ME3: variants seen among roughly 807,000 people sequenced by gnomAD.
The protein encoded by ME3 is malic enzyme 3.
Under a neutral mutation model 68.9 loss-of-function variants are expected in ME3, and 48 were observed. The observed-to-expected ratio is 0.70, with a 90% confidence interval of 0.55 to 0.89. The LOEUF (loss-of-function observed/expected upper bound fraction) is 0.89. Among genes scored for constraint, ME3 ranks in the 40% least tolerant of loss-of-function variants. ME3 has a pLI of 0.00. For synonymous variants in ME3, 320 were observed against 318.8 expected, an observed-to-expected ratio of 1.00 and a Z score of -0.04; for missense variants, 675 against 797.4, an observed-to-expected ratio of 0.85 and a Z score of 1.85.
chr11:86,626,788 CCA>C (rs1183402018), intron 2 of ME3, among the ~76,000 whole-genome samples: 3 of 152,186 alleles, frequency 2.0e-5, no homozygotes, highest in Non-Finnish European at 2.9e-5. Context: ...GGCACATGGG[CCA>C]CAGTTTGCCA....
At chr11:86,441,544 G>T (rs1702131559) in intron 14 of ME3, 104 bp from the exon 15 acceptor site, 2 of 1,154,082 alleles carry the variant, frequency 1.7e-6, no homozygotes, top group Admixed American at 2.6e-5. Flanking sequence ...TAAGGAACCA[G>T]ACTTGTTTCT....
chr11:86,626,178 C>CA (rs1422482316), intron 2 of ME3, among the ~76,000 whole-genome samples: 17 of 152,152 alleles, frequency 1.1e-4, no homozygotes, highest in Admixed American at 3.3e-4. Context: ...AATGTTGGGG[C>CA]TGGAACCCTG....
chr11:86,657,280 A>C (rs1022801599), intron 2 of ME3, among the ~76,000 whole-genome samples: 3 of 152,190 alleles, frequency 2.0e-5, no homozygotes, highest in Non-Finnish European at 2.9e-5. Flanking sequence ...ATGGAATACT[A>C]TGCAGCCATA....
chr11:86,556,817 G>A (rs997839433), intron 3 of ME3, 115 bp from the exon 4 acceptor site: 1 of 1,171,392 alleles, frequency 8.5e-7, no homozygotes, highest in Non-Finnish European at 1.2e-6. Flanking sequence ...GAACATTCAT[G>A]GGCAAGCCAT....
rs569525579 is a variant in ME3 at position 86,619,285 on chromosome 11, A to C, written c.183+52477T>G. 2.3e-3 allele frequency among the ~76,000 whole-genome samples: 345 copies of C among 152,348 alleles called. 4 individuals are homozygous for C. The highest frequency in any genetic ancestry group is 7.9e-3 in the African/African-American group (328 of 41,584). ...ATAAAGTTTCTAAAGTTAAATATGC[A>C]ATCTTGTTGGTGAAAAATACTATTA... On this transcript the variant is annotated intron_variant, in intron 2 of 14. Transcript: ENST00000543262.
At chr11:86,560,744 G>GTATATATATATATATATA (rs58764893) in intron 2 of ME3, among the ~76,000 whole-genome samples, 26 of 66,892 alleles carry the variant, frequency 3.9e-4, no homozygotes, top group African/African-American at 1.6e-3. Flanking sequence ...GTGTGTGTGT[G>GTATATATATATATATATA]TGTGTATATA....
At chr11:86,643,307 A>G (rs373109621) in intron 2 of ME3, among the ~76,000 whole-genome samples, 621 of 26,900 alleles carry the variant, frequency 0.023, 5 homozygotes, top group African/African-American at 0.066. Flanking sequence ...ACAGCAGCCC[A>G]TGCCCCCTAC....
At chr11:86,656,783 C>A (rs1398188903) in intron 2 of ME3, among the ~76,000 whole-genome samples, 1 of 151,294 alleles carries the variant, frequency 6.6e-6, no homozygotes, top group Non-Finnish European at 1.5e-5. Flanking sequence ...AGCAAATAAC[C>A]CCATCAAAAA....
chr11:86,591,629 C>T (rs1007904765), intron 2 of ME3, among the ~76,000 whole-genome samples: 89 of 152,136 alleles, frequency 5.9e-4, no homozygotes, highest in African/African-American at 1.9e-3. Context: ...CAAGACTGGG[C>T]AATTTACAAA....
At chr11:86,447,101 G>T in exon 12 of ME3, 1 of 1,614,184 alleles carries the variant, frequency 6.2e-7, no homozygotes, top group East Asian at 2.2e-5. Context: ...CCGTGCACTC[G>T]GCCTTGCTGG....
In ME3 at chr11:86,570,503, C is replaced by T. The variant is rs566439306; in HGVS notation, c.184-10680G>A. 4.0e-4 allele frequency among the ~76,000 whole-genome samples: 61 copies of T among 152,260 alleles called. No individual in the cohort carries two copies. In the South Asian group the frequency reaches 4.4e-3, roughly 11 times the overall value. On this transcript the variant is annotated intron_variant, in intron 2 of 14. Transcript: ENST00000543262. Reference sequence around the variant, plus strand: ...CCCCAGCTTTATGAGAGCCCCTGAGCACACTCCTGAGATGGATATATGGGG... The same window carrying T: ...CCCCAGCTTTATGAGAGCCCCTGAGTACACTCCTGAGATGGATATATGGGG...
intron 2 of ME3, among the ~76,000 whole-genome samples, chr11:86,644,202 C>T (rs928315191): frequency 2.6e-5 from 4 of 152,040 alleles, no homozygotes; most frequent in East Asian, 1.9e-4. Flanking sequence ...CTAATCTGAC[C>T]GCTCCTGCCT....
intron 2 of ME3, among the ~76,000 whole-genome samples, chr11:86,606,377 C>A (rs1565205447): frequency 6.9e-6 from 1 of 145,390 alleles, no homozygotes; most frequent in African/African-American, 2.5e-5. Flanking sequence ...TCAGGGTAGT[C>A]TGTTGTGGAC....
chr11:86,596,162 A>ATG lies in ME3; in HGVS notation c.184-36340_184-36339insCA, dbSNP rs544017332. ...CGTATTTCAAAACCTATGAAATTAC[A>ATG]TATTTGAAGGGATTATTCATTTTTT... On this transcript the variant is annotated intron_variant, in intron 2 of 14. Coordinates refer to ENST00000543262, the Ensembl canonical transcript of ME3. 8.5e-5 allele frequency among the ~76,000 whole-genome samples: 13 copies of ATG among 152,352 alleles called. 1 individual carries two copies. In the East Asian group the frequency reaches 2.1e-3, roughly 25 times the overall value.
At chr11:86,521,401 AAACAAACAAAACAAAACAAAAC>A (rs1389919497) in intron 4 of ME3, among the ~76,000 whole-genome samples, 16 of 100,050 alleles carry the variant, frequency 1.6e-4, no homozygotes, top group African/African-American at 7.8e-4. Flanking sequence ...TCTCAAAAAC[AAACAAACAAAACAAAACAAAAC>A]AAAACAAAAA....
intron 2 of ME3, among the ~76,000 whole-genome samples, chr11:86,566,858 G>A (rs970972115): frequency 3.3e-5 from 5 of 152,146 alleles, no homozygotes; most frequent in Admixed American, 2.0e-4. Flanking sequence ...CTCCCAGGAC[G>A]TTGGTGAGAC....
intron 2 of ME3, among the ~76,000 whole-genome samples, chr11:86,564,548 T>C (rs1272514716): frequency 6.6e-6 from 1 of 151,378 alleles, no homozygotes; most frequent in Non-Finnish European, 1.5e-5. Flanking sequence ...AATAAACTCA[T>C]ACATCTATGG....
In ME3 at chr11:86,535,016, G is replaced by A. The variant is rs561312583; in HGVS notation, c.467+21537C>T. On this transcript the variant is annotated intron_variant, in intron 4 of 14. Coordinates refer to ENST00000543262, the Ensembl canonical transcript of ME3. ...TTTCATAAGTGAATTCTTAACGAAG[G>A]TTTAAAACCACTGGCCTAGGTAGAG... Among the ~76,000 whole-genome samples, 4 of 152,226 alleles carry A rather than the reference G, an allele frequency of 2.6e-5. No individual in the cohort carries two copies. The East Asian group carries it at 5.8e-4, about 22-fold the overall frequency.
chr11:86,472,028 A>G lies in ME3; in HGVS notation c.810-6828T>C, dbSNP rs551971649. On this transcript the variant is annotated intron_variant, in intron 7 of 14. Transcript: ENST00000543262. The stretch of plus-strand genomic sequence containing the variant: ...AGCGGGGAGAGGCAATGAGGGCTTC[A>G]CAGGGCAGGAGATTAGGAGGTGGGG... Among the ~76,000 whole-genome samples the G allele has an allele frequency of 2.6e-5, 4 of 152,304 alleles. 1 individual carries two copies. In the South Asian group the frequency reaches 8.3e-4, roughly 32 times the overall value.
Sources: gnomAD v4.1 joint callset for allele counts (sites outside exome capture counted in the v4.1 genomes callset) on GRCh38, gnomAD v4.1.1 for gene constraint, MANE v1.5 for transcripts, NCBI Gene and HGNC (gene_info 2026-07-23, HGNC 2026-07-21) for gene names.